The following PRDM15 variants were observed in gnomAD, a reference collection of about 807,000 sequenced individuals.
PRDM15 encodes the protein PR/SET domain 15, also known as PR domain zinc finger protein 15.
In PRDM15, 64 loss-of-function variants were observed where a neutral mutation model predicts 128.6. The ratio of observed to expected loss-of-function variants is 0.50; its 90% CI spans 0.41 to 0.61. The LOEUF is 0.61. Ranked by LOEUF, PRDM15 falls within the 20% of genes least tolerant of loss-of-function variation. The probability of loss-of-function intolerance (pLI) is 0.00; values close to 1 mark genes in which losing one functional copy is unlikely to be tolerated. For missense variants in PRDM15, 1,242 were observed against 1,569.1 expected, an observed-to-expected ratio of 0.79 and a Z score of 3.52; for synonymous variants, 615 against 621.8, an observed-to-expected ratio of 0.99 and a Z score of 0.16.
intron 11 of PRDM15, chr21:41,834,541 C>G (rs1206051629): frequency 1.3e-6 from 2 of 1,550,172 alleles, no homozygotes; most frequent in East Asian, 2.4e-5. Context: ...CCGGGCCCCC[C>G]CTCTCCAGGG....
At chr21:41,802,561 A>C in intron 23 of PRDM15, 151 bp downstream of exon 23, 1 of 698,974 alleles carries the variant, frequency 1.4e-6, no homozygotes, top group Admixed American at 2.3e-5. Flanking sequence ...AACATGCTTA[A>C]GTGAAAAACA....
rs755876211 is a variant in PRDM15, at chr21:41,828,350, C to G, written c.1367-17G>C. The G allele has an allele frequency of 6.2e-7, 1 of 1,613,168 alleles. No individual in the cohort carries two copies. Among genetic ancestry groups the G allele is most frequent in the Admixed American group, 1.7e-5 (1 of 60,006 alleles). ...TCTTGTCATCTGTCCAGAGAGCAAA[C>G]AAACACACAACGATTTTGAGGTAAA... On this transcript the variant is annotated splice_polypyrimidine_tract_variant and intron_variant, in intron 11 of 23. Coordinates refer to ENST00000398548, the MANE Select transcript of PRDM15 (RefSeq NM_001040424.3). This position sits in a 1 kb window ranked among gnomAD's most constrained non-coding sequence, Gnocchi z 5.7.
chr21:41,836,268 G>T, intron 9 of PRDM15, 61 bp from the exon 10 acceptor site: 1 of 1,488,824 alleles, frequency 6.7e-7, no homozygotes, highest in Non-Finnish European at 9.3e-7. Context: ...AGAGAAGCAT[G>T]CCCACCGGGG....
At chr21:41,869,516 G>A (rs375643139) in intron 1 of PRDM15, among the ~76,000 whole-genome samples, 6 of 150,442 alleles carry the variant, frequency 4.0e-5, no homozygotes, top group Admixed American at 4.0e-4. Flanking sequence ...GTGCGATCTC[G>A]GCTCACCACA....
At chr21:41,816,465 C>T (rs1450357322) in intron 18 of PRDM15, among the ~76,000 whole-genome samples, 3 of 152,142 alleles carry the variant, frequency 2.0e-5, no homozygotes, top group Non-Finnish European at 2.9e-5. Context: ...GGGAACAGGG[C>T]GACCCAGCCC....
chr21:41,879,256 G>A lies in PRDM15; in HGVS notation c.-10+14C>T, dbSNP rs1206539433. The A allele has an allele frequency of 5.7e-5, 56 of 975,146 alleles. No homozygotes were observed. Among genetic ancestry groups the A allele is most frequent in the Non-Finnish European group, 6.9e-5 (56 of 807,298 alleles). The allele number at this position is 975,146 out of a possible 1,614,324, so 60.4% of individuals were successfully genotyped here. The stretch of plus-strand genomic sequence containing the variant: ...CGCCGGGGCGGGCGGCGGGCGCAGG[G>A]CCCGGAGCTTTACCTGCCTTTGGAA... On this transcript the variant is annotated intron_variant, in intron 1 of 23. Coordinates refer to ENST00000398548, the MANE Select transcript of PRDM15 (RefSeq NM_001040424.3). This position sits in a 1 kb window ranked among gnomAD's most constrained non-coding sequence, Gnocchi z 5.1.
chr21:41,873,262 C>T (rs928873), intron 1 of PRDM15, among the ~76,000 whole-genome samples: 44,902 of 152,046 alleles, frequency 0.3, 6,757 homozygotes, highest in East Asian at 0.32. Context: ...CACATTTTCC[C>T]GTAGTTTCCG....
chr21:41,874,308 C>G (rs73361600), intron 1 of PRDM15, among the ~76,000 whole-genome samples: 19,528 of 151,466 alleles, frequency 0.13, 1,586 homozygotes, highest in African/African-American at 0.22. Context: ...GCAAAGCCTG[C>G]AGGTCAGATG....
At chr21:41,841,418 C>T (rs1410057157) in intron 6 of PRDM15, among the ~76,000 whole-genome samples, 3 of 152,074 alleles carry the variant, frequency 2.0e-5, no homozygotes, top group Admixed American at 1.3e-4. Flanking sequence ...CGGTGAAAAC[C>T]GTTTCCAGTG....
At chr21:41,813,448 C>T (rs2061931411) in intron 19 of PRDM15, 1 of 152,576 alleles carries the variant, frequency 6.6e-6, no homozygotes, top group Non-Finnish European at 1.5e-5. Context: ...CAAAGCAGAC[C>T]CGTGTGGCAA....
rs73361561 is a variant in PRDM15 at position 41,862,440 on chromosome 21, C to G, written c.-9-2068G>C. ...GCCTACACCTCTCACAGACTGCCCA[C>G]CCCTTCTAGGTGCCCCCAAAAAAGG... On this transcript the variant is annotated intron_variant, in intron 1 of 23. Transcript: ENST00000398548. This position sits in a 1 kb window ranked among gnomAD's most constrained non-coding sequence, Gnocchi z 4.1. Among the ~76,000 whole-genome samples the G allele has an allele frequency of 0.12, 17,728 of 152,182 alleles. 1,766 individuals carry two copies. The highest frequency in any genetic ancestry group is 0.26 in the African/African-American group (10,922 of 41,496).
rs112046185 is a variant in PRDM15 at position 41,859,719 on chromosome 21, G to A, written c.38-34C>T. 2.9e-3 allele frequency: 4,634 copies of A among 1,580,406 alleles called. 125 individuals are homozygous for A. The African/African-American group carries it at 0.052, about 18-fold the overall frequency. On this transcript the variant is annotated intron_variant, in intron 2 of 23. Coordinates refer to ENST00000398548, the MANE Select transcript of PRDM15 (RefSeq NM_001040424.3). This position sits in a 1 kb window ranked among gnomAD's most constrained non-coding sequence, Gnocchi z 5.3. The stretch of plus-strand genomic sequence containing the variant: ...AGACATCCGGGCATTAGAGCACCCA[G>A]GGAGGGAGACACCTAAAGAACACAA...
At chr21:41,875,969 C>T (rs547991738) in intron 1 of PRDM15, among the ~76,000 whole-genome samples, 28 of 152,304 alleles carry the variant, frequency 1.8e-4, no homozygotes, top group African/African-American at 4.1e-4. Context: ...CTAGGCTATA[C>T]GGCCCAGCCT....
chr21:41,878,684 G>A lies in PRDM15; in HGVS notation c.-10+586C>T, dbSNP rs145453601. On this transcript the variant is annotated intron_variant, in intron 1 of 23. Transcript: ENST00000398548. ...AAAATAAGGCGCAGGGGGTCTGGGA[G>A]ACCCCATCACCAGGACTCAGCTTCT... 4.3e-3 allele frequency: 6,597 copies of A among 1,544,924 alleles called. 26 individuals carry two copies. The highest frequency in any genetic ancestry group is 5.4e-3 in the Non-Finnish European group (6,183 of 1,146,740).
At chr21:41,842,367 A>G (rs1206569228) in intron 6 of PRDM15, among the ~76,000 whole-genome samples, 1 of 152,228 alleles carries the variant, frequency 6.6e-6, no homozygotes, top group African/African-American at 2.4e-5. Context: ...CCAAATGCTT[A>G]TCTTCTCCAC....
At chr21:41,872,614 G>A (rs1368047274) in intron 1 of PRDM15, among the ~76,000 whole-genome samples, 6 of 152,100 alleles carry the variant, frequency 3.9e-5, no homozygotes, top group African/African-American at 1.4e-4. Flanking sequence ...ATCAGATCAG[G>A]GGAATAAGCG....
At position 41,821,044 on chromosome 21, in the gene PRDM15, G is replaced by T; in HGVS notation, c.2060+23C>A. ...TGTCCCCTCTCTCCTGACACAACCC[G>T]GGAGCCCCCGACCAGGCCTCACTTC... On this transcript the variant is annotated intron_variant, in intron 16 of 23. Coordinates refer to ENST00000398548, the MANE Select transcript of PRDM15 (RefSeq NM_001040424.3). This position sits in a 1 kb window ranked among gnomAD's most constrained non-coding sequence, Gnocchi z 5.4. The T allele has an allele frequency of 1.2e-6, 2 of 1,614,012 alleles. No homozygotes were observed. Among genetic ancestry groups the T allele is most frequent in the Non-Finnish European group, 1.7e-6 (2 of 1,179,926 alleles).
chr21:41,807,465 ACT>A (rs2061717656), intron 21 of PRDM15, among the ~76,000 whole-genome samples: 2 of 152,046 alleles, frequency 1.3e-5, no homozygotes, highest in Admixed American at 1.3e-4. Context: ...CCGTTATCCC[ACT>A]CTCAGACAGC....
At chr21:41,815,928 G>A (rs4075968) in intron 18 of PRDM15, 92 bp from the exon 19 acceptor site, 400,983 of 1,523,664 alleles carry the variant, frequency 0.26, 53,951 homozygotes, top group East Asian at 0.4. Flanking sequence ...CACAGGCAGC[G>A]GCCCGTGCGG....
Sources: gnomAD v4.1 joint callset for allele counts (sites outside exome capture counted in the v4.1 genomes callset) on GRCh38, gnomAD v4.1.1 for gene constraint, Gnocchi (gnomAD v3.1) non-coding constraint, MANE v1.5 for transcripts, NCBI Gene and HGNC (gene_info 2026-07-23, HGNC 2026-07-21) for gene names.